The following RERG variants were observed in gnomAD, a reference collection of about 807,000 sequenced individuals.
RERG encodes ras-related and estrogen-regulated growth inhibitor.
RERG carries 25 observed loss-of-function variants against 23.2 expected under a neutral mutation model. The observed-to-expected ratio is 1.08, with a 90% CI of 0.79 to 1.50. RERG has a LOEUF of 1.50. RERG is among the 40% of genes most tolerant of loss of function. The pLI, the probability that RERG is intolerant of heterozygous loss-of-function variation, is 0.00. For missense variants in RERG, 253 were observed against 250.1 expected (o/e 1.01, Z -0.08); for synonymous variants, 81 against 89.1 (o/e 0.91, Z 0.51).
intron 3 of RERG, among the ~76,000 whole-genome samples, chr12:15,119,303 G>T (rs1863789529): frequency 6.6e-6 from 1 of 151,826 alleles, no homozygotes; most frequent in African/African-American, 2.4e-5. Flanking sequence ...TTTTTTTTCA[G>T]ATGAATAAAA....
intron 2 of RERG, among the ~76,000 whole-genome samples, chr12:15,163,730 G>A (rs955387074): frequency 2.6e-5 from 4 of 152,198 alleles, no homozygotes; most frequent in Non-Finnish European, 5.9e-5. Flanking sequence ...GGAGGAAATG[G>A]GTAACCAGAG....
chr12:15,182,961 G>C (rs893736919), intron 2 of RERG, among the ~76,000 whole-genome samples: 1 of 151,924 alleles, frequency 6.6e-6, no homozygotes, highest in Non-Finnish European at 1.5e-5. Flanking sequence ...CCTGTGATTG[G>C]TCCCAGCTCC....
intron 2 of RERG, among the ~76,000 whole-genome samples, chr12:15,146,255 C>T (rs983274512): frequency 3.3e-5 from 5 of 152,078 alleles, no homozygotes; most frequent in Admixed American, 2.6e-4. Flanking sequence ...TACAATATGC[C>T]AGGCTCCTTA....
chr12:15,153,052 G>A (rs1050436132), intron 2 of RERG, among the ~76,000 whole-genome samples: 15 of 152,052 alleles, frequency 9.9e-5, no homozygotes, highest in South Asian at 4.1e-4. Context: ...GAGGTAGTTC[G>A]GGTGAGTCAC....
At chr12:15,182,362 AATTAACTTTT>A (rs1397626180) in intron 2 of RERG, among the ~76,000 whole-genome samples, 1 of 152,076 alleles carries the variant, frequency 6.6e-6, no homozygotes, top group Non-Finnish European at 1.5e-5. Context: ...CCGGCCCTAT[AATTAACTTTT>A]AAAAGGTTTC....
intron 2 of RERG, chr12:15,154,154 C>G (rs917774041): frequency 6.6e-6 from 1 of 152,192 alleles, no homozygotes; most frequent in African/African-American, 2.4e-5. Context: ...TTTAAGCCCC[C>G]CAGCTTGTGG....
intron 2 of RERG, among the ~76,000 whole-genome samples, chr12:15,147,890 T>A (rs1864360993): frequency 6.6e-6 from 1 of 152,206 alleles, no homozygotes; most frequent in Non-Finnish European, 1.5e-5. Context: ...TCCATGTACA[T>A]GAAACATGTA....
intron 2 of RERG, among the ~76,000 whole-genome samples, chr12:15,140,777 C>T (rs1221206564): frequency 6.6e-6 from 1 of 151,990 alleles, no homozygotes; most frequent in Non-Finnish European, 1.5e-5. Context: ...AATTCTTATA[C>T]TTGCTTCTCT....
chr12:15,220,438 T>C (rs1201334822), intron 1 of RERG, among the ~76,000 whole-genome samples: 2 of 152,226 alleles, frequency 1.3e-5, no homozygotes, highest in Non-Finnish European at 2.9e-5. Flanking sequence ...TATTCCACAC[T>C]TTCACGCTAT....
intron 2 of RERG, among the ~76,000 whole-genome samples, chr12:15,207,980 A>G (rs1478542525): frequency 3.9e-5 from 6 of 152,176 alleles, no homozygotes; most frequent in Non-Finnish European, 8.8e-5. Flanking sequence ...CATTGATTCA[A>G]TCAAACACTA....
chr12:15,111,509 A>G, intron 3 of RERG, 92 bp from the exon 4 acceptor site: 1 of 980,060 alleles, frequency 1.0e-6, no homozygotes, highest in Non-Finnish European at 1.6e-6. Flanking sequence ...TGGGAGAAGT[A>G]TTCCTGATTT....
chr12:15,125,062 T>G (rs1863912604), intron 2 of RERG, among the ~76,000 whole-genome samples: 1 of 152,012 alleles, frequency 6.6e-6, no homozygotes, highest in South Asian at 2.1e-4. Context: ...ATTTTCATTC[T>G]GTAACCTGCA....
At chr12:15,182,166 C>T (rs1374259935) in intron 2 of RERG, among the ~76,000 whole-genome samples, 1 of 150,482 alleles carries the variant, frequency 6.6e-6, no homozygotes, top group African/African-American at 2.5e-5. Flanking sequence ...TCAAGCAATT[C>T]CCCTGCCTCA....
At chr12:15,137,137 T>C (rs1864157135) in intron 2 of RERG, among the ~76,000 whole-genome samples, 1 of 151,906 alleles carries the variant, frequency 6.6e-6, no homozygotes, top group African/African-American at 2.4e-5. Context: ...CTTGGATAAT[T>C]AACCCTTTTA....
At chr12:15,126,238 C>T (rs1347902222) in intron 2 of RERG, among the ~76,000 whole-genome samples, 2 of 149,426 alleles carry the variant, frequency 1.3e-5, no homozygotes, top group Non-Finnish European at 3.0e-5. Context: ...TCTTTTGTTA[C>T]AAAAGAAAAG....
At chr12:15,149,016 C>T (rs374585752) in intron 2 of RERG, among the ~76,000 whole-genome samples, 15 of 151,472 alleles carry the variant, frequency 9.9e-5, no homozygotes, top group African/African-American at 3.6e-4. Flanking sequence ...CTACAGGCGC[C>T]CGCCACCACG....
chr12:15,144,001 A>G (rs1414503042), intron 2 of RERG, among the ~76,000 whole-genome samples: 1 of 152,148 alleles, frequency 6.6e-6, no homozygotes, highest in East Asian at 1.9e-4. Flanking sequence ...ACAGGAGGCC[A>G]CCAGTGTGGC....
At chr12:15,186,366 A>G (rs1195655881) in intron 2 of RERG, among the ~76,000 whole-genome samples, 3 of 152,124 alleles carry the variant, frequency 2.0e-5, no homozygotes, top group African/African-American at 4.8e-5. Context: ...CCAGTCAAAG[A>G]TTAACCTTTG....
intron 2 of RERG, among the ~76,000 whole-genome samples, chr12:15,156,342 C>G (rs756422935): frequency 2.0e-5 from 3 of 152,142 alleles, no homozygotes; most frequent in African/African-American, 4.8e-5. Context: ...AGTTCACAGA[C>G]CCCCTGAAAT....
Sources: allele counts gnomAD v4.1 joint callset (sites outside exome capture counted in the v4.1 genomes callset), GRCh38; gene constraint gnomAD v4.1.1; transcripts MANE v1.5; gene names NCBI Gene and HGNC (gene_info 2026-07-23, HGNC 2026-07-21).